The following PEX5L variants were observed in gnomAD, a reference collection of about 807,000 sequenced individuals.
PEX5L encodes the protein PEX5-related protein.
Under a neutral mutation model 84.0 loss-of-function variants are expected in PEX5L, and 30 were observed. That is an observed-to-expected ratio of 0.36 (90% CI 0.27 to 0.48). The LOEUF is 0.48. Ranked by LOEUF, PEX5L falls within the 20% of genes least tolerant of loss-of-function variation. The pLI is 0.99. For synonymous variants in PEX5L, 270 were observed against 283.1 expected (o/e 0.95, Z 0.46); for missense variants, 533 against 754.6 (o/e 0.71, Z 3.44).
chr3:179,950,568 T>C (rs7647870), intron 2 of PEX5L, among the ~76,000 whole-genome samples: 44,295 of 152,194 alleles, frequency 0.29, 7,652 homozygotes, highest in East Asian at 0.68. Context: ...CTCACATCTT[T>C]AGTTTGATCT....
At chr3:179,819,509 T>C (rs185834917) in intron 9 of PEX5L, among the ~76,000 whole-genome samples, 13 of 152,330 alleles carry the variant, frequency 8.5e-5, no homozygotes, top group Admixed American at 7.2e-4. Flanking sequence ...AGCACTCACA[T>C]GACTGGCTGA....
intron 8 of PEX5L, among the ~76,000 whole-genome samples, chr3:179,841,638 C>T (rs770470825): frequency 3.3e-5 from 5 of 152,120 alleles, no homozygotes; most frequent in Admixed American, 2.6e-4. Flanking sequence ...CAAATGAATG[C>T]CTGATTAAAT....
intron 1 of PEX5L, among the ~76,000 whole-genome samples, chr3:180,010,246 C>CTTTTTTTTTTTTTTTTTTTTTTTT (rs1178375452): frequency 8.6e-5 from 9 of 105,150 alleles, no homozygotes; most frequent in African/African-American, 2.2e-4. Flanking sequence ...CACCCGGCCT[C>CTTTTTTTTTTTTTTTTTTTTTTTT]TTTTTTTTTT....
chr3:179,900,800 T>C (rs1158014805), intron 2 of PEX5L: 9 of 1,181,210 alleles, frequency 7.6e-6, no homozygotes, highest in Admixed American at 6.1e-5. Flanking sequence ...ACAGCCTTTT[T>C]TGGCTTTTGC....
At chr3:179,987,133 GA>G (rs372139561) in intron 1 of PEX5L, among the ~76,000 whole-genome samples, 1,538 of 151,212 alleles carry the variant, frequency 0.01, 30 homozygotes, top group African/African-American at 0.035. Context: ...CAGTTGTTAA[GA>G]AAAAAAAATT....
intron 3 of PEX5L, among the ~76,000 whole-genome samples, chr3:179,896,355 A>C (rs555968228): frequency 6.6e-6 from 1 of 152,256 alleles, no homozygotes; most frequent in African/African-American, 2.4e-5. Context: ...GCATCAGATA[A>C]AGCATTCTGT....
chr3:179,843,714 T>C (rs7643653), intron 8 of PEX5L, among the ~76,000 whole-genome samples: 33,255 of 152,202 alleles, frequency 0.22, 3,787 homozygotes, highest in Non-Finnish European at 0.25. Flanking sequence ...CTACTCTTTT[T>C]CCAAGGTTCT....
chr3:179,837,584 A>G (rs1335785786), intron 8 of PEX5L, among the ~76,000 whole-genome samples: 1 of 152,200 alleles, frequency 6.6e-6, no homozygotes, highest in Non-Finnish European at 1.5e-5. Flanking sequence ...TAACTTTAGC[A>G]ACATCCCTTA....
chr3:180,009,563 A>G (rs550218510), intron 1 of PEX5L, among the ~76,000 whole-genome samples: 15 of 150,720 alleles, frequency 1.0e-4, no homozygotes, highest in Admixed American at 8.6e-4. Flanking sequence ...TACTGAAAAA[A>G]TTTTTTTCTT....
chr3:179,867,199 G>A (rs566246847), intron 7 of PEX5L, among the ~76,000 whole-genome samples: 1 of 152,120 alleles, frequency 6.6e-6, no homozygotes. Flanking sequence ...AATAAGTGCT[G>A]ATTTGTGAAC....
intron 8 of PEX5L, among the ~76,000 whole-genome samples, chr3:179,841,466 G>A (rs1737255051): frequency 6.6e-6 from 1 of 152,130 alleles, no homozygotes; most frequent in African/African-American, 2.4e-5. Flanking sequence ...GCTTACTTGT[G>A]TTACAGTACT....
intron 1 of PEX5L, among the ~76,000 whole-genome samples, chr3:179,978,242 T>C (rs1454446875): frequency 6.6e-6 from 1 of 152,172 alleles, no homozygotes; most frequent in East Asian, 1.9e-4. Flanking sequence ...GGTCTGTACA[T>C]TAATAGCCTG....
chr3:179,904,043 G>A (rs1003620271), intron 2 of PEX5L, among the ~76,000 whole-genome samples: 3 of 152,214 alleles, frequency 2.0e-5, no homozygotes, highest in African/African-American at 7.2e-5. Context: ...TTGGTTCAGT[G>A]ATCTGTTTGC....
At chr3:179,943,625 C>T (rs1437115638) in intron 2 of PEX5L, among the ~76,000 whole-genome samples, 1 of 152,142 alleles carries the variant, frequency 6.6e-6, no homozygotes, top group African/African-American at 2.4e-5. Context: ...ATTCTGTGTG[C>T]AATGTTTTAT....
intron 2 of PEX5L, among the ~76,000 whole-genome samples, chr3:179,963,924 A>AT (rs1782705853): frequency 1.3e-5 from 2 of 152,124 alleles, no homozygotes; most frequent in African/African-American, 4.8e-5. Context: ...AATAATTATA[A>AT]TTCAATGTCC....
chr3:179,864,920 T>C (rs1033571667), intron 7 of PEX5L, among the ~76,000 whole-genome samples: 1 of 152,178 alleles, frequency 6.6e-6, no homozygotes, highest in Non-Finnish European at 1.5e-5. Flanking sequence ...AATATTTTTT[T>C]CCCAGGGCAC....
intron 5 of PEX5L, among the ~76,000 whole-genome samples, chr3:179,878,359 A>G (rs1753135101): frequency 1.3e-5 from 2 of 152,092 alleles, no homozygotes; most frequent in African/African-American, 4.8e-5. Context: ...TCCTTTCTCA[A>G]TAAATCCACC....
At chr3:179,975,831 T>G (rs750133619) in intron 1 of PEX5L, among the ~76,000 whole-genome samples, 1 of 152,178 alleles carries the variant, frequency 6.6e-6, no homozygotes, top group African/African-American at 2.4e-5. Flanking sequence ...CCTTGAAGAC[T>G]TTGATCTAAT....
intron 4 of PEX5L, among the ~76,000 whole-genome samples, chr3:179,882,315 T>G (rs1273863358): frequency 6.6e-6 from 1 of 152,206 alleles, no homozygotes; most frequent in Non-Finnish European, 1.5e-5. Context: ...TCAGAATAAA[T>G]GAATTACTAA....
Sources: gnomAD v4.1 joint callset for allele counts (sites outside exome capture counted in the v4.1 genomes callset) on GRCh38, gnomAD v4.1.1 for gene constraint, MANE v1.5 for transcripts, NCBI Gene and HGNC (gene_info 2026-07-23, HGNC 2026-07-21) for gene names.